Variants in PLCH1 observed in about 807,000 individuals in gnomAD.
The protein encoded by PLCH1 is phospholipase C eta 1.
Under a neutral mutation model 126.7 loss-of-function variants are expected in PLCH1, and 60 were observed. That is an observed-to-expected ratio of 0.47 (90% CI 0.38 to 0.59). The LOEUF (loss-of-function observed/expected upper bound fraction) is 0.59. Among genes scored for constraint, PLCH1 ranks in the 20% least tolerant of loss-of-function variants. PLCH1 has a pLI of 0.00. For synonymous variants in PLCH1, 719 were observed against 734.9 expected, an observed-to-expected ratio of 0.98 and a Z score of 0.35; for missense variants, 1,723 against 2,040.0, an observed-to-expected ratio of 0.84 and a Z score of 2.99.
At chr3:155,497,180 TTTCC>T in intron 15 of PLCH1, 136 bp downstream of exon 15, 1 of 603,842 alleles carries the variant, frequency 1.7e-6, no homozygotes. Context: ...CAGCAGTGAG[TTTCC>T]TGACACTCAA....
At chr3:155,526,088 T>G (rs1182386189) in intron 10 of PLCH1, among the ~76,000 whole-genome samples, 1 of 152,144 alleles carries the variant, frequency 6.6e-6, no homozygotes, top group African/African-American at 2.4e-5. Flanking sequence ...ATTGAATTGC[T>G]TCCAGAATCA....
At chr3:155,511,853 G>T (rs1719575573) in intron 12 of PLCH1, among the ~76,000 whole-genome samples, 1 of 152,066 alleles carries the variant, frequency 6.6e-6, no homozygotes, top group Non-Finnish European at 1.5e-5. Context: ...AGGCAGGCAG[G>T]CCTCCTTGAG....
In PLCH1 at chr3:155,575,964, T is replaced by C. The variant is rs573284761; in HGVS notation, c.771+7508A>G. 4.6e-5 allele frequency among the ~76,000 whole-genome samples: 7 copies of C among 152,240 alleles called. No homozygotes were observed. In the East Asian group the frequency reaches 5.8e-4, roughly 13 times the overall value. ...CCTGGCTAGGAGGATTTTCCAACTA[T>C]ATAAAGGCGCTTCAATGTTCCTGCC... On this transcript the variant is annotated intron_variant, in intron 6 of 22. Transcript: ENST00000460012.
At chr3:155,684,992 C>T (rs940840543) in intron 2 of PLCH1, among the ~76,000 whole-genome samples, 10 of 152,282 alleles carry the variant, frequency 6.6e-5, no homozygotes, top group Middle Eastern at 3.4e-3. Context: ...CAAGGAGGAA[C>T]ATAATGTAAA....
chr3:155,458,664 TA>T (rs1158220639), intron 21 of PLCH1, among the ~76,000 whole-genome samples: 1 of 152,104 alleles, frequency 6.6e-6, no homozygotes, highest in Non-Finnish European at 1.5e-5. Flanking sequence ...TTCAAATAGT[TA>T]AGTCCCATGG....
chr3:155,671,119 T>C (rs1743392891), intron 2 of PLCH1, among the ~76,000 whole-genome samples: 1 of 152,174 alleles, frequency 6.6e-6, no homozygotes, highest in Non-Finnish European at 1.5e-5. Flanking sequence ...GAGCTGCAAG[T>C]CCAGGTTCCA....
At chr3:155,658,681 T>G (rs949061075) in intron 2 of PLCH1, 1 of 152,232 alleles carries the variant, frequency 6.6e-6, no homozygotes, top group African/African-American at 2.4e-5. Flanking sequence ...AAAATAAAAT[T>G]TACTTTTAAA....
chr3:155,538,823 C>A (rs1723809662), intron 10 of PLCH1, among the ~76,000 whole-genome samples: 1 of 151,818 alleles, frequency 6.6e-6, no homozygotes, highest in Non-Finnish European at 1.5e-5. Flanking sequence ...TTCTATCAGA[C>A]ATGCAAAGAA....
At chr3:155,613,298 T>C (rs1735371080) in intron 2 of PLCH1, among the ~76,000 whole-genome samples, 1 of 152,104 alleles carries the variant, frequency 6.6e-6, no homozygotes. Flanking sequence ...TAAATCATGC[T>C]ATGAAGCCAG....
intron 2 of PLCH1, among the ~76,000 whole-genome samples, chr3:155,697,547 C>G (rs908106175): frequency 6.6e-6 from 1 of 152,144 alleles, no homozygotes; most frequent in Non-Finnish European, 1.5e-5. Context: ...AGGGGAGCAG[C>G]CCCTACAGTG....
At chr3:155,606,905 C>A (rs958081476) in intron 2 of PLCH1, among the ~76,000 whole-genome samples, 1 of 152,182 alleles carries the variant, frequency 6.6e-6, no homozygotes, top group African/African-American at 2.4e-5. Flanking sequence ...GTTGTGCCTG[C>A]TTATTATGCC....
chr3:155,490,697 T>A, intron 19 of PLCH1, 87 bp downstream of exon 19: 1 of 724,778 alleles, frequency 1.4e-6, no homozygotes, highest in East Asian at 2.6e-5. Flanking sequence ...TAGAGATTTC[T>A]TGCTCTTCTA....
chr3:155,532,237 T>C (rs1019711362), intron 10 of PLCH1, among the ~76,000 whole-genome samples: 2 of 152,168 alleles, frequency 1.3e-5, no homozygotes, highest in Non-Finnish European at 1.5e-5. Context: ...AAGACTCGCA[T>C]CGTGAACTTG....
chr3:155,573,811 C>T (rs1729566507), intron 6 of PLCH1, among the ~76,000 whole-genome samples: 1 of 152,202 alleles, frequency 6.6e-6, no homozygotes, highest in African/African-American at 2.4e-5. Flanking sequence ...TGCAAAGACA[C>T]ATATGTACAG....
intron 1 of PLCH1, among the ~76,000 whole-genome samples, chr3:155,711,146 A>T (rs1747099541): frequency 1.3e-5 from 2 of 152,170 alleles, no homozygotes. Context: ...AACACAAAAA[A>T]TCCTAATGCA....
At chr3:155,543,394 G>C (rs1342208227) in intron 10 of PLCH1, among the ~76,000 whole-genome samples, 5 of 152,196 alleles carry the variant, frequency 3.3e-5, no homozygotes, top group African/African-American at 9.7e-5. Context: ...TATGTGAAAA[G>C]ACCAAATCTA....
chr3:155,712,860 A>G (rs1262735929), intron 1 of PLCH1, among the ~76,000 whole-genome samples: 3 of 151,642 alleles, frequency 2.0e-5, no homozygotes, highest in African/African-American at 7.3e-5. Context: ...TCTCTACTTT[A>G]TCACCACCAG....
At chr3:155,506,428 T>A (rs1253937320) in intron 12 of PLCH1, among the ~76,000 whole-genome samples, 1 of 151,266 alleles carries the variant, frequency 6.6e-6, no homozygotes, top group East Asian at 2.0e-4. Flanking sequence ...TGTATACATG[T>A]GCCATGCTGG....
At chr3:155,607,074 C>T (rs1310245415) in intron 2 of PLCH1, among the ~76,000 whole-genome samples, 1 of 152,076 alleles carries the variant, frequency 6.6e-6, no homozygotes, top group Non-Finnish European at 1.5e-5. Flanking sequence ...ACCATTTTTT[C>T]TTGGTTTAAA....
Sources: gnomAD v4.1 joint callset for allele counts (sites outside exome capture counted in the v4.1 genomes callset) on GRCh38, gnomAD v4.1.1 for gene constraint, MANE v1.5 for transcripts, NCBI Gene and HGNC (gene_info 2026-07-23, HGNC 2026-07-21) for gene names.